PCDHGB4: variants seen among roughly 807,000 people sequenced by gnomAD.
PCDHGB4 encodes protocadherin gamma-B4.
In PCDHGB4, 38 loss-of-function variants were observed where a neutral mutation model predicts 60.5. The observed-to-expected ratio is 0.63, with a 90% CI of 0.48 to 0.82. The LOEUF (loss-of-function observed/expected upper bound fraction) is 0.82, where lower values mean the gene tolerates loss of function less well. PCDHGB4 is among the 40% of genes least tolerant of loss of function. PCDHGB4 has a pLI of 0.00. For synonymous variants in PCDHGB4, 456 were observed against 509.7 expected (o/e 0.89, Z 1.42); for missense variants, 1,109 against 1,209.6 (o/e 0.92, Z 1.23).
At position 141,431,612 on chromosome 5, in the gene PCDHGB4, G is replaced by A. The variant is rs79883194; in HGVS notation, c.2397+41331G>A. 1.9e-6 allele frequency: 3 copies of A among 1,614,126 alleles called. No homozygotes were observed. The highest frequency in any genetic ancestry group is 2.5e-6 in the Non-Finnish European group (3 of 1,180,052). ...AGTGAGGTATTCCTTCCGGTATGTG[G>A]ACGACAAGGCGGCCCAAGTTTTCAA... On this transcript the variant is annotated intron_variant, in intron 1 of 3. Coordinates refer to ENST00000519479, the MANE Select transcript of PCDHGB4 (RefSeq NM_003736.4). This position sits in a 1 kb window ranked among gnomAD's most constrained non-coding sequence, Gnocchi z 4.8.
intron 1 of PCDHGB4, among the ~76,000 whole-genome samples, chr5:141,494,547 C>T (rs2099755185): frequency 6.6e-6 from 1 of 152,106 alleles, no homozygotes; most frequent in East Asian, 1.9e-4. Context: ...GAGGAAGGGG[C>T]CATTTCTTTA....
At chr5:141,420,094 G>A in intron 1 of PCDHGB4, 7 of 1,614,058 alleles carry the variant, frequency 4.3e-6, no homozygotes, top group Non-Finnish European at 5.9e-6. Flanking sequence ...ACTACAGTGA[G>A]GGAACGTTGC....
At chr5:141,494,524 C>T (rs2099754936) in intron 1 of PCDHGB4, among the ~76,000 whole-genome samples, 1 of 152,156 alleles carries the variant, frequency 6.6e-6, no homozygotes, top group African/African-American at 2.4e-5. Flanking sequence ...GGAGTTCTGA[C>T]TCTGGGGGCA....
At chr5:141,451,077 C>T (rs1422196268) in intron 1 of PCDHGB4, among the ~76,000 whole-genome samples, 1 of 152,098 alleles carries the variant, frequency 6.6e-6, no homozygotes, top group Admixed American at 6.6e-5. Context: ...ATCCACCCAC[C>T]TTGACCTCCC....
chr5:141,404,490 T>G lies in PCDHGB4; in HGVS notation c.2397+14209T>G, dbSNP rs748668164. On this transcript the variant is annotated intron_variant, in intron 1 of 3. Transcript: ENST00000519479. Reference sequence around the variant, plus strand: ...GTCTCTATTAACTCAGACACTGGTGTGCTGTATGCTCTGTGCTCCTTTGAC... The same window carrying G: ...GTCTCTATTAACTCAGACACTGGTGGGCTGTATGCTCTGTGCTCCTTTGAC... 10 of 1,613,632 alleles carry G rather than the reference T, an allele frequency of 6.2e-6. No homozygotes were observed. The Admixed American group carries it at 1.2e-4, about 19-fold the overall frequency.
Position 141,389,131 on chromosome 5 carries a change from A to G in PCDHGB4, c.1247A>G (p.Tyr416Cys). The G allele has an allele frequency of 1.2e-6, 2 of 1,614,024 alleles. No homozygotes were observed. Among genetic ancestry groups the G allele is most frequent in the African/African-American group, 2.7e-5 (2 of 75,064 alleles). Reference sequence around the variant, plus strand: ...CTAGACCGCGAGCAGAATCCAGAGTACAATATAACCGTTACGGCAACAGAT... The same window carrying G: ...CTAGACCGCGAGCAGAATCCAGAGTGCAATATAACCGTTACGGCAACAGAT... Reference protein sequence around the residue: ...AVLDREQNPEYNITVTATDRG... With the variant: ...AVLDREQNPECNITVTATDRG... Residue 416 changes from tyrosine to cysteine, a missense_variant, in exon 1 of 4, where the codon TAC becomes TGC. Tyr to Cys is a radical substitution (Grantham distance 194, BLOSUM62 -2). Transcript: ENST00000519479.
At chr5:141,430,985 G>T (rs773308629) in intron 1 of PCDHGB4, 4 of 1,613,780 alleles carry the variant, frequency 2.5e-6, no homozygotes, top group Non-Finnish European at 3.4e-6. Flanking sequence ...GCAGCTTTTC[G>T]CCCTGAATCC....
intron 1 of PCDHGB4, chr5:141,405,157 G>T: frequency 6.2e-7 from 1 of 1,614,072 alleles, no homozygotes. Context: ...TGGCTGGTGT[G>T]CCCACCTCAC....
intron 1 of PCDHGB4, chr5:141,413,972 T>G: frequency 6.2e-7 from 1 of 1,613,420 alleles, no homozygotes; most frequent in Non-Finnish European, 8.5e-7. Context: ...ACTCAGCTGC[T>G]GACAGTCACA....
intron 1 of PCDHGB4, among the ~76,000 whole-genome samples, chr5:141,425,325 A>G (rs1371591408): frequency 6.6e-6 from 1 of 152,240 alleles, no homozygotes. Context: ...ATCGTGGAGA[A>G]CAAAAAGGAA....
At chr5:141,495,236 A>G (rs2099759742) in intron 2 of PCDHGB4, among the ~76,000 whole-genome samples, 1 of 152,168 alleles carries the variant, frequency 6.6e-6, no homozygotes, top group South Asian at 2.1e-4. Flanking sequence ...GGGCTCCATT[A>G]TGACCTGGGG....
chr5:141,442,321 C>G (rs1323525940), intron 1 of PCDHGB4: 1 of 152,360 alleles, frequency 6.6e-6, no homozygotes, highest in African/African-American at 2.4e-5. Context: ...ATGTCTATCC[C>G]GCGCTAAGCC....
At chr5:141,500,026 T>G (rs1297397353) in intron 2 of PCDHGB4, among the ~76,000 whole-genome samples, 1 of 151,974 alleles carries the variant, frequency 6.6e-6, no homozygotes, top group Non-Finnish European at 1.5e-5. Flanking sequence ...TATATTTGAG[T>G]GAGTGTCTCT....
rs911465424 is a variant in PCDHGB4 at position 141,449,724 on chromosome 5, AT to A, written c.2398-45076del. ...AAACACATTATTTTTATATGATATG[AT>A]TTTTTTATGACATGATTATTTTTAT... On this transcript the variant is annotated intron_variant, in intron 1 of 3. Coordinates refer to ENST00000519479, the MANE Select transcript of PCDHGB4 (RefSeq NM_003736.4). 1.2e-4 allele frequency among the ~76,000 whole-genome samples: 18 copies of A among 151,282 alleles called. No homozygotes were observed. The South Asian group carries it at 1.9e-3, about 16-fold the overall frequency.
intron 1 of PCDHGB4, chr5:141,421,220 A>T (rs1178268746): frequency 6.3e-7 from 1 of 1,575,620 alleles, no homozygotes; most frequent in East Asian, 2.3e-5. Context: ...ATCGGCTTAG[A>T]GCCTGCCATG....
intron 1 of PCDHGB4, chr5:141,395,256 T>G: frequency 6.4e-7 from 1 of 1,554,392 alleles, no homozygotes; most frequent in East Asian, 2.3e-5. Flanking sequence ...AGTTCTTTGC[T>G]TGCTTTTAAT....
At chr5:141,475,950 C>T (rs1236145505) in intron 1 of PCDHGB4, 3 of 761,526 alleles carry the variant, frequency 3.9e-6, no homozygotes, top group East Asian at 2.7e-5. Context: ...CCCCTTTCTG[C>T]GCCCCGGGAT....
intron 1 of PCDHGB4, chr5:141,399,003 A>T: frequency 6.2e-7 from 1 of 1,613,966 alleles, no homozygotes; most frequent in Non-Finnish European, 8.5e-7. Context: ...GTCTGAATTC[A>T]AAGAGCGGAG....
intron 1 of PCDHGB4, chr5:141,399,115 G>C: frequency 6.2e-7 from 1 of 1,613,814 alleles, no homozygotes; most frequent in Non-Finnish European, 8.5e-7. Context: ...ATGTACAGTT[G>C]AAATTAATAT....
Sources: allele counts gnomAD v4.1 joint callset (sites outside exome capture counted in the v4.1 genomes callset), GRCh38; gene constraint gnomAD v4.1.1; non-coding constraint Gnocchi (gnomAD v3.1); transcripts MANE v1.5; gene names NCBI Gene and HGNC (gene_info 2026-07-23, HGNC 2026-07-21).